The following UGT1A10 variants were observed in gnomAD, a reference collection of about 807,000 sequenced individuals.
UGT1A10 encodes UDP glucuronosyltransferase family 1 member A10, also known as UDP-glucuronosyltransferase 1A10.
UGT1A10 carries 49 observed loss-of-function variants against 45.8 expected under a neutral mutation model. The ratio of observed to expected loss-of-function variants is 1.07; its 90% CI spans 0.85 to 1.36. The LOEUF (loss-of-function observed/expected upper bound fraction) is 1.36. Ranked by LOEUF, UGT1A10 falls within the 40% of genes most tolerant of loss-of-function variation. UGT1A10 has a pLI of 0.00. For synonymous variants in UGT1A10, 284 were observed against 249.7 expected, an observed-to-expected ratio of 1.14 and a Z score of -1.29; for missense variants, 745 against 668.6, an observed-to-expected ratio of 1.11 and a Z score of -1.26.
intron 1 of UGT1A10, chr2:233,718,776 G>T (rs2076682469): frequency 6.2e-6 from 10 of 1,612,920 alleles, no homozygotes; most frequent in Non-Finnish European, 8.5e-6. Context: ...AATGTAGCAG[G>T]CACAGCGTGG....
rs757592840 is a variant in UGT1A10, at chr2:233,693,218, T to C, written c.855+55841T>C. On this transcript the variant is annotated intron_variant, in intron 1 of 4. Transcript: ENST00000344644. The stretch of plus-strand genomic sequence containing the variant: ...TAATTTGCTTTTGAAAGAATCCAAA[T>C]ACTACACAAGAAAAATCTATCCAGT... The C allele has an allele frequency of 3.7e-6, 6 of 1,614,046 alleles. No homozygotes were observed. In the African/African-American group the frequency reaches 8.0e-5, roughly 22 times the overall value.
At chr2:233,700,140 C>T (rs372188169) in intron 1 of UGT1A10, among the ~76,000 whole-genome samples, 9 of 152,174 alleles carry the variant, frequency 5.9e-5, no homozygotes, top group African/African-American at 2.2e-4. Flanking sequence ...AGCTGTTTGT[C>T]TCCCTATAGG....
intron 1 of UGT1A10, among the ~76,000 whole-genome samples, chr2:233,764,973 G>C (rs553153469): frequency 6.6e-6 from 1 of 152,178 alleles, no homozygotes; most frequent in African/African-American, 2.4e-5. Context: ...GGAGAAGGAT[G>C]GTCAGTGTCT....
At chr2:233,696,562 G>A (rs577212454) in intron 1 of UGT1A10, among the ~76,000 whole-genome samples, 1 of 152,212 alleles carries the variant, frequency 6.6e-6, no homozygotes, top group Admixed American at 6.5e-5. Flanking sequence ...TATGTCATCT[G>A]AGAACAAGAA....
At chr2:233,683,817 C>T (rs2074652711) in intron 1 of UGT1A10, among the ~76,000 whole-genome samples, 2 of 152,078 alleles carry the variant, frequency 1.3e-5, no homozygotes, top group African/African-American at 2.4e-5. Flanking sequence ...TATTACTAAA[C>T]TCTCGTATTA....
intron 1 of UGT1A10, among the ~76,000 whole-genome samples, chr2:233,732,565 C>G (rs891048525): frequency 2.0e-5 from 3 of 152,178 alleles, no homozygotes; most frequent in African/African-American, 7.2e-5. Context: ...AATAAGGAAT[C>G]CTTTCCCCAT....
chr2:233,637,032 G>A lies in UGT1A10; in HGVS notation c.510G>A (p.Arg170=), dbSNP rs145709362. 4.3e-6 allele frequency: 7 copies of A among 1,613,820 alleles called. No individual in the cohort carries two copies. The highest frequency in any genetic ancestry group is 2.2e-5 in the East Asian group (1 of 44,884). The stretch of plus-strand genomic sequence containing the variant: ...CCCTCCCCTCTGTGGTCTTCACCAG[G>A]GGAATATTTTGCCACCATCTTGAAG... ...YFSLPSVVFT[R]GIFCHHLEEG... Residue 170 remains arginine, a synonymous_variant, in exon 1 of 5, where the codon AGG becomes AGA. Coordinates refer to ENST00000344644, the MANE Select transcript of UGT1A10 (RefSeq NM_019075.4).
chr2:233,697,047 G>T (rs2075371720), intron 1 of UGT1A10, among the ~76,000 whole-genome samples: 1 of 150,766 alleles, frequency 6.6e-6, no homozygotes, highest in Admixed American at 6.6e-5. Context: ...CTTTTTTTTT[G>T]TTGTGTCCTT....
intron 1 of UGT1A10, chr2:233,717,940 C>A (rs186673267): frequency 2.2e-6 from 1 of 453,716 alleles, no homozygotes; most frequent in East Asian, 7.0e-5. Flanking sequence ...AGTCTCTATG[C>A]AGACTTGCAG....
At position 233,636,464 on chromosome 2, in the gene UGT1A10, C is replaced by A; in HGVS notation, c.-59C>A. On this transcript the variant is annotated 5_prime_UTR_variant, in exon 1 of 5. Transcript: ENST00000344644. ...TCAGGTTTTGTGCCTGTACTTCTTC[C>A]GCCTACTGTATCATAGCAGCTTAGA... 6.4e-7 allele frequency: 1 copy of A among 1,553,928 alleles called. No homozygotes were observed. Among genetic ancestry groups the A allele is most frequent in the Non-Finnish European group, 8.7e-7 (1 of 1,149,574 alleles).
chr2:233,768,949 T>G (rs973201287), intron 4 of UGT1A10, among the ~76,000 whole-genome samples: 26 of 152,212 alleles, frequency 1.7e-4, no homozygotes, highest in Admixed American at 1.5e-3. Context: ...TTAGTTTCTA[T>G]ATAATTTATC....
intron 1 of UGT1A10, among the ~76,000 whole-genome samples, chr2:233,733,638 G>T (rs913820039): frequency 6.6e-6 from 1 of 152,200 alleles, no homozygotes; most frequent in East Asian, 1.9e-4. Flanking sequence ...AACCAGCCTT[G>T]CATCCCAAGG....
At position 233,681,840 on chromosome 2, in the gene UGT1A10, C is replaced by T. The variant is rs558852280; in HGVS notation, c.855+44463C>T. 14 of 1,516,320 alleles carry T rather than the reference C, an allele frequency of 9.2e-6. No individual in the cohort carries two copies. The South Asian group carries it at 9.6e-5, about 10-fold the overall frequency. The allele number at this position is 1,516,320 out of a possible 1,614,324, so 93.9% of individuals were successfully genotyped here. A position where few individuals can be genotyped will look rare whatever the true frequency, so the allele number is the denominator to read the frequency against. ...TTTTTTAAATGAATGAATAAGTACA[C>T]GCCTTCTTTTGAGGGCAGGTTCTAT... is the stretch of plus-strand genomic sequence containing the variant. On this transcript the variant is annotated intron_variant, in intron 1 of 4. Transcript: ENST00000344644.
intron 1 of UGT1A10, among the ~76,000 whole-genome samples, chr2:233,650,978 T>C (rs558834031): frequency 6.6e-6 from 1 of 152,344 alleles, no homozygotes; most frequent in East Asian, 1.9e-4. Context: ...CACAGTTGTA[T>C]GTCTCACACA....
intron 1 of UGT1A10, among the ~76,000 whole-genome samples, chr2:233,745,008 AATGTAAATGCT>A (rs1243749653): frequency 6.6e-6 from 1 of 151,846 alleles, no homozygotes; most frequent in Non-Finnish European, 1.5e-5. Flanking sequence ...TTACCTAATA[AATGTAAATGCT>A]ATGTAAATAG....
At chr2:233,719,751 A>G in intron 1 of UGT1A10, 1 of 1,612,694 alleles carries the variant, frequency 6.2e-7, no homozygotes, top group East Asian at 2.2e-5. Flanking sequence ...AAATGTATTT[A>G]CTTACAAGTG....
chr2:233,741,851 G>T (rs1691795125), intron 1 of UGT1A10: 2 of 151,836 alleles, frequency 1.3e-5, no homozygotes, highest in South Asian at 4.1e-4. Flanking sequence ...TTGCTCTCAT[G>T]CCTTATGCAA....
intron 1 of UGT1A10, among the ~76,000 whole-genome samples, chr2:233,698,709 C>T (rs1285888187): frequency 6.6e-6 from 1 of 152,186 alleles, no homozygotes; most frequent in Non-Finnish European, 1.5e-5. Context: ...ATGTGCAAAG[C>T]CTTTTGAAAA....
At chr2:233,707,961 T>C (rs971341619) in intron 1 of UGT1A10, among the ~76,000 whole-genome samples, 10 of 152,228 alleles carry the variant, frequency 6.6e-5, no homozygotes, top group Non-Finnish European at 1.2e-4. Flanking sequence ...CTTTTGCCCA[T>C]TCAAGTCTAT....
Sources: gnomAD v4.1 joint callset for allele counts (sites outside exome capture counted in the v4.1 genomes callset) on GRCh38, gnomAD v4.1.1 for gene constraint, MANE v1.5 for transcripts, NCBI Gene and HGNC (gene_info 2026-07-23, HGNC 2026-07-21) for gene names.